The following LIPI variants were observed in gnomAD, a reference collection of about 807,000 sequenced individuals.
LIPI encodes the protein lipase member I.
LIPI carries 59 observed loss-of-function variants against 50.6 expected under a neutral mutation model. The ratio of observed to expected loss-of-function variants is 1.16; its 90% CI spans 0.94 to 1.45. The LOEUF (loss-of-function observed/expected upper bound fraction) is 1.45, where lower values mean the gene tolerates loss of function less well. Among genes scored for constraint, LIPI ranks in the 40% most tolerant of loss-of-function variants. LIPI has a pLI of 0.00. For synonymous variants in LIPI, 203 were observed against 178.2 expected (o/e 1.14, Z -1.11); for missense variants, 586 against 536.3 (o/e 1.09, Z -0.92).
intron 9 of LIPI, among the ~76,000 whole-genome samples, chr21:14,132,723 T>A (rs746829349): frequency 6.6e-6 from 1 of 151,356 alleles, no homozygotes; most frequent in African/African-American, 2.5e-5. Context: ...CACAAAGTTC[T>A]TCAAAAAGAT....
At chr21:14,198,537 T>C (rs1311807459) in intron 1 of LIPI, among the ~76,000 whole-genome samples, 1 of 152,038 alleles carries the variant, frequency 6.6e-6, no homozygotes, top group Non-Finnish European at 1.5e-5. Flanking sequence ...TACATAATGG[T>C]AAAGGGTTCC....
intron 1 of LIPI, 70 bp from the exon 2 acceptor site, chr21:14,189,489 A>C: frequency 1.4e-6 from 2 of 1,407,568 alleles, no homozygotes; most frequent in Non-Finnish European, 2.0e-6. Context: ...ATTGCAAAGA[A>C]CAGAATTAAA....
rs1236829101 is a variant in LIPI, at chr21:14,113,798, G to C, written c.1296-4718C>G. On this transcript the variant is annotated intron_variant, in intron 9 of 9. Transcript: ENST00000681601. The stretch of plus-strand genomic sequence containing the variant: ...CTCACAGTTCAGCATGGCTTGGAAG[G>C]CCTCAGGAAACTTAACAATCATGGC... 1.3e-5 allele frequency among the ~76,000 whole-genome samples: 2 copies of C among 152,216 alleles called. 1 individual carries two copies. Among genetic ancestry groups the C allele is most frequent in the East Asian group, 3.9e-4 (2 of 5,190 alleles).
At chr21:14,203,211 T>C (rs1465755557) in intron 1 of LIPI, among the ~76,000 whole-genome samples, 1 of 151,924 alleles carries the variant, frequency 6.6e-6, no homozygotes, top group East Asian at 1.9e-4. Flanking sequence ...TGTGGAGAAA[T>C]AGGAACACTT....
At chr21:14,180,030 C>G (rs1278234980) in intron 4 of LIPI, among the ~76,000 whole-genome samples, 1 of 152,022 alleles carries the variant, frequency 6.6e-6, no homozygotes, top group Non-Finnish European at 1.5e-5. Flanking sequence ...TATTAATACC[C>G]TGGGAAATGA....
chr21:14,169,309 C>G (rs887949722), intron 4 of LIPI, among the ~76,000 whole-genome samples: 22 of 152,180 alleles, frequency 1.4e-4, no homozygotes, highest in African/African-American at 5.1e-4. Context: ...ATCAACGAGA[C>G]AGAAAGTTAA....
At chr21:14,139,369 CAT>C (rs2017621401) in intron 9 of LIPI, among the ~76,000 whole-genome samples, 1 of 152,114 alleles carries the variant, frequency 6.6e-6, no homozygotes, top group African/African-American at 2.4e-5. Context: ...TATTATGTCT[CAT>C]AGCCTTCAAT....
chr21:14,113,166 A>G (rs542837492), intron 9 of LIPI, among the ~76,000 whole-genome samples: 9 of 152,376 alleles, frequency 5.9e-5, no homozygotes, highest in African/African-American at 2.2e-4. Context: ...AACATTCAAT[A>G]AGATAAAATT....
At chr21:14,175,519 A>G (rs1311504776) in intron 4 of LIPI, among the ~76,000 whole-genome samples, 7 of 152,000 alleles carry the variant, frequency 4.6e-5, no homozygotes, top group Non-Finnish European at 8.8e-5. Context: ...TTCTTAAAGT[A>G]TTTATAACAG....
chr21:14,136,570 C>T (rs62209377), intron 9 of LIPI, among the ~76,000 whole-genome samples: 19,251 of 152,094 alleles, frequency 0.13, 1,611 homozygotes, highest in East Asian at 0.42. Context: ...ACCAGGTAGA[C>T]TTCTAAGGTT....
At chr21:14,125,545 T>G (rs1308344063) in intron 9 of LIPI, among the ~76,000 whole-genome samples, 1 of 152,116 alleles carries the variant, frequency 6.6e-6, no homozygotes, top group Non-Finnish European at 1.5e-5. Flanking sequence ...GATAGTGTTT[T>G]GTTTTGTTTT....
chr21:14,153,661 C>CT (rs1348631433), intron 7 of LIPI, among the ~76,000 whole-genome samples: 1 of 152,090 alleles, frequency 6.6e-6, no homozygotes, highest in African/African-American at 2.4e-5. Flanking sequence ...CCCTCTGGGA[C>CT]TTCAGAGCCT....
intron 1 of LIPI, among the ~76,000 whole-genome samples, chr21:14,201,536 C>T (rs1479415923): frequency 6.6e-6 from 1 of 152,044 alleles, no homozygotes; most frequent in Non-Finnish European, 1.5e-5. Context: ...TCAACATACG[C>T]AAATCAATAA....
chr21:14,117,120 A>G (rs529624821), intron 9 of LIPI, among the ~76,000 whole-genome samples: 1 of 152,308 alleles, frequency 6.6e-6, no homozygotes, highest in East Asian at 1.9e-4. Context: ...CACCCAAGCC[A>G]TGCAGATGCC....
intron 1 of LIPI, among the ~76,000 whole-genome samples, chr21:14,191,669 C>A (rs1333520180): frequency 6.6e-6 from 1 of 152,062 alleles, no homozygotes; most frequent in Admixed American, 6.6e-5. Context: ...TCCCTGAATC[C>A]ATCTCATTTC....
At chr21:14,178,044 C>T (rs552870325) in intron 4 of LIPI, among the ~76,000 whole-genome samples, 207 of 152,232 alleles carry the variant, frequency 1.4e-3, no homozygotes, top group African/African-American at 4.8e-3. Flanking sequence ...TTCCTATATT[C>T]CATTGTTTCT....
intron 9 of LIPI, among the ~76,000 whole-genome samples, chr21:14,113,657 G>T (rs2016503463): frequency 1.3e-5 from 2 of 152,054 alleles, no homozygotes; most frequent in South Asian, 4.1e-4. Flanking sequence ...AAAAATAGCT[G>T]GAAATTTAGA....
intron 6 of LIPI, 64 bp downstream of exon 6, chr21:14,165,159 A>T (rs977316443): frequency 4.7e-6 from 6 of 1,284,580 alleles, no homozygotes; most frequent in Non-Finnish European, 6.7e-6. Context: ...TCCAGCAGAA[A>T]ATACTAACAA....
At chr21:14,199,865 A>C (rs113421081) in intron 1 of LIPI, among the ~76,000 whole-genome samples, 21,583 of 151,920 alleles carry the variant, frequency 0.14, 1,958 homozygotes, top group South Asian at 0.21. Flanking sequence ...AAAATACTGG[A>C]AAACTGAATC....
Sources: allele counts gnomAD v4.1 joint callset (sites outside exome capture counted in the v4.1 genomes callset), GRCh38; gene constraint gnomAD v4.1.1; transcripts MANE v1.5; gene names NCBI Gene and HGNC (gene_info 2026-07-23, HGNC 2026-07-21).